The following ZNF407 variants were observed in gnomAD, a reference collection of about 807,000 sequenced individuals.
ZNF407 encodes zinc finger protein 407.
ZNF407 carries 17 observed loss-of-function variants against 131.2 expected under a neutral mutation model. The observed-to-expected ratio is 0.13, with a 90% CI of 0.09 to 0.19. The LOEUF (loss-of-function observed/expected upper bound fraction) is 0.19, where lower values mean the gene tolerates loss of function less well. ZNF407 is among the 10% of genes least tolerant of loss of function. The probability of loss-of-function intolerance (pLI) is 1.00; values close to 1 mark genes in which losing one functional copy is unlikely to be tolerated. For missense variants in ZNF407, 2,681 were observed against 2,830.6 expected (o/e 0.95, Z 1.20); for synonymous variants, 1,156 against 1,062.0 (o/e 1.09, Z -1.72).
chr18:74,863,105 G>A (rs1970960749), intron 4 of ZNF407, among the ~76,000 whole-genome samples: 1 of 151,672 alleles, frequency 6.6e-6, no homozygotes, highest in South Asian at 2.1e-4. Flanking sequence ...ATTTTTAGTA[G>A]GGATGGGGTT....
In ZNF407 at chr18:75,048,153, C is replaced by G. The variant is rs1973457379; in HGVS notation, c.5429-14997C>G. ...ATCCTAATGCAGCTGAAGCTGACAC[C>G]TGTCAGCAGCACCAGGCCTGTGCCT... On this transcript the variant is annotated intron_variant, in intron 8 of 8. Coordinates refer to ENST00000299687, the MANE Select transcript of ZNF407 (RefSeq NM_017757.3). This position sits in a 1 kb window ranked among gnomAD's most constrained non-coding sequence, Gnocchi z 4.1. Among the ~76,000 whole-genome samples, 1 of 152,222 alleles carries G rather than the reference C, an allele frequency of 6.6e-6. No homozygotes were observed. The highest frequency in any genetic ancestry group is 1.5e-5 in the Non-Finnish European group (1 of 68,030).
Position 75,051,627 on chromosome 18 carries a change from A to G in ZNF407, c.5429-11523A>G, listed in dbSNP as rs542248368. On this transcript the variant is annotated intron_variant, in intron 8 of 8. Transcript: ENST00000299687. ...CTAGAGAAGAGAGAATTGATATGCA[A>G]TGGAATCTCTGAACCTTGGAGGTTT... Among the ~76,000 whole-genome samples the G allele has an allele frequency of 4.6e-5, 7 of 152,334 alleles. No homozygotes were observed. In the East Asian group the frequency reaches 7.7e-4, roughly 17 times the overall value.
At chr18:74,894,372 A>T (rs905497704) in intron 7 of ZNF407, among the ~76,000 whole-genome samples, 8 of 152,134 alleles carry the variant, frequency 5.3e-5, no homozygotes, top group African/African-American at 1.9e-4. Context: ...ATGAAAAAAA[A>T]TAACATTTTT....
rs547224521 is a variant in ZNF407, at chr18:74,631,482, C to G, written c.463C>G (p.Gln155Glu). 47 of 1,613,868 alleles carry G rather than the reference C, an allele frequency of 2.9e-5. No homozygotes were observed. The highest frequency in any genetic ancestry group is 3.9e-5 in the Non-Finnish European group (46 of 1,179,910). Residue 155 changes from glutamine (Q) to glutamate (E), a missense_variant, in exon 2 of 9, where the codon CAG (glutamine) becomes GAG (glutamate). Transcript: ENST00000299687. ...AACAGACACTGAAAAAACATCTGCT[C>G]AGGAAATGGTTTCCCTTGATCTGGA... ...LKTDTEKTSA[Q>E]EMVSLDLERE...
chr18:74,830,347 A>C (rs993489058), intron 4 of ZNF407, among the ~76,000 whole-genome samples: 1 of 152,154 alleles, frequency 6.6e-6, no homozygotes, highest in East Asian at 1.9e-4. Flanking sequence ...TTGTAGTGTG[A>C]TCACGGCTCG....
intron 8 of ZNF407, among the ~76,000 whole-genome samples, chr18:75,027,579 A>G (rs887604441): frequency 2.6e-5 from 4 of 152,288 alleles, no homozygotes; most frequent in African/African-American, 2.4e-5. Flanking sequence ...GCATTGGTCA[A>G]TGAGGAAGGA....
At chr18:74,868,226 A>C (rs992723544) in intron 4 of ZNF407, among the ~76,000 whole-genome samples, 26 of 152,376 alleles carry the variant, frequency 1.7e-4, no homozygotes, top group African/African-American at 6.3e-4. Flanking sequence ...TATAGCTAAC[A>C]TGCTGTTTAG....
At chr18:74,651,682 G>T (rs1057493624) in intron 3 of ZNF407, among the ~76,000 whole-genome samples, 1 of 152,128 alleles carries the variant, frequency 6.6e-6, no homozygotes, top group Admixed American at 6.5e-5. Flanking sequence ...GGGAGTAAAA[G>T]GTTGAAGAAT....
chr18:74,669,794 G>A (rs947232344), intron 3 of ZNF407, among the ~76,000 whole-genome samples: 1 of 152,146 alleles, frequency 6.6e-6, no homozygotes, highest in African/African-American at 2.4e-5. Context: ...TTTTCAGAAC[G>A]CTCCTTGTGG....
chr18:74,712,688 G>T (rs1374976676), intron 3 of ZNF407, among the ~76,000 whole-genome samples: 3 of 152,264 alleles, frequency 2.0e-5, no homozygotes, highest in Non-Finnish European at 2.9e-5. Context: ...AATAGAGAAT[G>T]TAGAGGACTA....
chr18:74,754,663 G>A (rs2144953906), intron 3 of ZNF407, among the ~76,000 whole-genome samples: 1 of 152,304 alleles, frequency 6.6e-6, no homozygotes, highest in African/African-American at 2.4e-5. Flanking sequence ...GTGGTTTCGA[G>A]TGTGTTTCTT....
At chr18:74,970,040 C>A (rs1252755309) in intron 8 of ZNF407, among the ~76,000 whole-genome samples, 1 of 152,096 alleles carries the variant, frequency 6.6e-6, no homozygotes, top group African/African-American at 2.4e-5. Flanking sequence ...TTCATGGCGG[C>A]AGCAAGATAA....
intron 8 of ZNF407, among the ~76,000 whole-genome samples, chr18:74,981,957 C>T (rs1972597979): frequency 6.6e-6 from 1 of 152,208 alleles, no homozygotes; most frequent in Non-Finnish European, 1.5e-5. Flanking sequence ...CCATATTCCA[C>T]TTTTTCTGTT....
chr18:74,743,814 T>TA (rs1219605132), intron 3 of ZNF407, among the ~76,000 whole-genome samples: 1 of 152,178 alleles, frequency 6.6e-6, no homozygotes, highest in African/African-American at 2.4e-5. Context: ...TTATAAGACA[T>TA]ACTTTTTAAA....
At chr18:75,027,709 G>A (rs1973187757) in intron 8 of ZNF407, among the ~76,000 whole-genome samples, 1 of 152,188 alleles carries the variant, frequency 6.6e-6, no homozygotes, top group Admixed American at 6.5e-5. Context: ...TGTGAGGAGA[G>A]ACAAGAGAGG....
chr18:75,024,055 T>C (rs906969215), intron 8 of ZNF407, among the ~76,000 whole-genome samples: 1 of 152,188 alleles, frequency 6.6e-6, no homozygotes, highest in African/African-American at 2.4e-5. Flanking sequence ...GTCTCAAGCT[T>C]ATCCTCAAAA....
chr18:74,954,614 ATT>A (rs1175574688), intron 8 of ZNF407, among the ~76,000 whole-genome samples: 1 of 152,220 alleles, frequency 6.6e-6, no homozygotes, highest in Non-Finnish European at 1.5e-5. Flanking sequence ...TAATTTTATC[ATT>A]TGTTACTAAG....
At chr18:74,760,220 G>A (rs1311162275) in intron 3 of ZNF407, among the ~76,000 whole-genome samples, 2 of 152,130 alleles carry the variant, frequency 1.3e-5, no homozygotes, top group African/African-American at 4.8e-5. Context: ...TTGAACCAGT[G>A]TCCATAGCAT....
chr18:74,641,230 A>C, intron 3 of ZNF407, 108 bp downstream of exon 3: 3 of 752,040 alleles, frequency 4.0e-6, no homozygotes. Context: ...AAAATTATGC[A>C]TGCGTACCCT....
Sources: allele counts gnomAD v4.1 joint callset (sites outside exome capture counted in the v4.1 genomes callset), GRCh38; gene constraint gnomAD v4.1.1; non-coding constraint Gnocchi (gnomAD v3.1); transcripts MANE v1.5; gene names NCBI Gene and HGNC (gene_info 2026-07-23, HGNC 2026-07-21).